Variants in MAP1A observed in about 807,000 individuals in gnomAD.
The protein encoded by MAP1A is microtubule associated protein 1A.
Under a neutral mutation model 185.9 loss-of-function variants are expected in MAP1A, and 42 were observed. The observed-to-expected ratio is 0.23, with a 90% CI of 0.18 to 0.29. The LOEUF is 0.29. Among genes scored for constraint, MAP1A ranks in the 10% least tolerant of loss-of-function variants. The pLI is 1.00. For missense variants in MAP1A, 2,995 were observed against 3,450.4 expected (o/e 0.87, Z 3.31); for synonymous variants, 1,229 against 1,335.9 (o/e 0.92, Z 1.74).
chr15:43,526,445 G>C lies in MAP1A; in HGVS notation c.4972G>C (p.Glu1658Gln), dbSNP rs1595649823. The part of the protein sequence containing the change: ...QEWQETSPTR[E>Q]EPAGEQKELA... ...GTGGCAAGAAACATCTCCTACCAGAGAGGAGCCGGCTGGAGAACAGAAAGA... is the reference window on the plus strand; with the variant it reads ...GTGGCAAGAAACATCTCCTACCAGACAGGAGCCGGCTGGAGAACAGAAAGA... The change falls in exon 4 of 6, where the codon GAG (glutamate) becomes CAG (glutamine). Residue 1658 changes from glutamate to glutamine, a missense_variant. Glu to Gln is a conservative substitution (Grantham distance 29, BLOSUM62 2). Transcript: ENST00000300231. The surrounding 1 kb of genome is among the most constrained non-coding windows in gnomAD (Gnocchi z 4.7). The C allele has an allele frequency of 6.2e-7, 1 of 1,614,182 alleles. No individual in the cohort carries two copies. The highest frequency in any genetic ancestry group is 8.5e-7 in the Non-Finnish European group (1 of 1,180,022).
Position 43,524,919 on chromosome 15 carries a change from A to T in MAP1A, c.3446A>T (p.Asp1149Val), listed in dbSNP as rs1335382413. 1.2e-6 allele frequency: 2 copies of T among 1,614,164 alleles called. No homozygotes were observed. Among genetic ancestry groups the T allele is most frequent in the Non-Finnish European group, 1.7e-6 (2 of 1,180,036 alleles). Residue 1149 changes from aspartate (D) to valine (V), a missense_variant, in exon 4 of 6, where the codon GAT (aspartate) becomes GTT (valine). Physicochemically the swap from Asp to Val is radical, Grantham distance 152. Around this residue, in one of 3 missense-constraint regions of MAP1A, gnomAD observed 2,728 missense variants for 2,986.0 expected, o/e 0.91. Transcript: ENST00000300231. ...CCTGACCGAAGCCTCTCTCCTGAAGATGCAGAATCCCTCTCTGTCCTCAGC... is the reference window on the plus strand; with the variant it reads ...CCTGACCGAAGCCTCTCTCCTGAAGTTGCAGAATCCCTCTCTGTCCTCAGC... ...RYPDRSLSPE[D>V]AESLSVLSVP...
chr15:43,524,427 T>G lies in MAP1A; in HGVS notation c.2954T>G (p.Leu985Arg). ...CTTGGAGAAGCAGAGGAGCGGTGCCTTAGCCCAGATGACAGCACAGTGAAG... is the reference window on the plus strand; with the variant it reads ...CTTGGAGAAGCAGAGGAGCGGTGCCGTAGCCCAGATGACAGCACAGTGAAG... Reference protein sequence around the residue: ...PALGEAEERCLSPDDSTVKMA... With the variant: ...PALGEAEERCRSPDDSTVKMA... Residue 985 changes from leucine to arginine, a missense_variant, in exon 4 of 6, where the codon CTT becomes CGT. By Grantham distance (102) the Leu-to-Arg change is moderately radical (BLOSUM62 -2). Around this residue, in one of 3 missense-constraint regions of MAP1A, gnomAD observed 2,728 missense variants for 2,986.0 expected, o/e 0.91. Coordinates refer to ENST00000300231, the MANE Select transcript of MAP1A (RefSeq NM_002373.6). The G allele has an allele frequency of 1.9e-6, 3 of 1,614,148 alleles. No individual in the cohort carries two copies. The highest frequency in any genetic ancestry group is 2.5e-6 in the Non-Finnish European group (3 of 1,180,018).
At chr15:43,518,762 G>C (rs1712057829) in intron 1 of MAP1A, among the ~76,000 whole-genome samples, 1 of 137,440 alleles carries the variant, frequency 7.3e-6, no homozygotes, top group African/African-American at 3.0e-5. Context: ...TGCCTCACAA[G>C]ATGGTCCTCT....
In MAP1A at chr15:43,526,285, C is replaced by A; in HGVS notation, c.4812C>A (p.Val1604=). ...KMLEEKSPEK[V]KAMEEKLEAL... ...TAGAGGAAAAATCCCCAGAAAAGGT[C>A]AAGGCCATGGAAGAGAAGTTAGAAG... The change falls in exon 4 of 6, where the codon GTC becomes GTA. Residue 1604 remains valine, a synonymous_variant. Transcript: ENST00000300231. This position sits in a 1 kb window ranked among gnomAD's most constrained non-coding sequence, Gnocchi z 4.7. 6.2e-7 allele frequency: 1 copy of A among 1,614,134 alleles called. No individual in the cohort carries two copies. Among genetic ancestry groups the A allele is most frequent in the South Asian group, 1.1e-5 (1 of 91,056 alleles).
upstream of MAP1A, among the ~76,000 whole-genome samples, chr15:43,516,424 G>C (rs962044980): frequency 1.3e-5 from 2 of 152,164 alleles, no homozygotes; most frequent in African/African-American, 4.8e-5. Context: ...GCAGCCTGGG[G>C]CAAGGGTGGG....
chr15:43,515,413 T>C (rs2079293971), upstream of MAP1A, among the ~76,000 whole-genome samples: 1 of 152,196 alleles, frequency 6.6e-6, no homozygotes, highest in South Asian at 2.1e-4. Flanking sequence ...AGGACATGAA[T>C]AGGACTTCAA....
Position 43,526,873 on chromosome 15 carries a change from T to C in MAP1A, c.5400T>C (p.Ala1800=). Reference sequence around the variant, plus strand: ...CCTTTGAGATCATCTCCCCTCCAGCTTCCCCACCTGAGATGGTTGGACAAA... The same window carrying C: ...CCTTTGAGATCATCTCCCCTCCAGCCTCCCCACCTGAGATGGTTGGACAAA... ...RSPFEIISPP[A]SPPEMVGQRV... is the part of the protein sequence containing the mutation. The change falls in exon 4 of 6, where the codon GCT becomes GCC. Residue 1800 remains alanine (A), a synonymous_variant. Transcript: ENST00000300231. This position sits in a 1 kb window ranked among gnomAD's most constrained non-coding sequence, Gnocchi z 4.7. The C allele has an allele frequency of 1.9e-6, 3 of 1,614,102 alleles. No individual in the cohort carries two copies. The highest frequency in any genetic ancestry group is 2.5e-6 in the Non-Finnish European group (3 of 1,179,998).
Position 43,521,383 on chromosome 15 carries a change from C to T in MAP1A, c.-91C>T. 6.2e-7 allele frequency: 1 copy of T among 1,613,804 alleles called. No individual in the cohort carries two copies. The highest frequency in any genetic ancestry group is 8.5e-7 in the Non-Finnish European group (1 of 1,179,930). The stretch of plus-strand genomic sequence containing the variant: ...TACAGGCCTTCCTTACCGTGTCCTG[C>T]TTAGGGGAAGGTGATTGGAGCCACC... On this transcript the variant is annotated 5_prime_UTR_variant, in exon 4 of 6. Coordinates refer to ENST00000300231, the MANE Select transcript of MAP1A (RefSeq NM_002373.6). The surrounding 1 kb of genome is among the most constrained non-coding windows in gnomAD (Gnocchi z 4.6).
chr15:43,529,484 G>A lies in MAP1A; in HGVS notation c.8011G>A (p.Val2671Ile). ...DGHSPMSKGL[V>I]NGLKAGPMAL... is the part of the protein sequence containing the mutation. ...ACACAGCCCCATGTCCAAAGGCCTA[G>A]TCAATGGACTCAAGGCAGGACCAAG... Residue 2671 changes from valine to isoleucine, a missense_variant, in exon 4 of 6, where the codon GTC becomes ATC. By Grantham distance (29) the Val-to-Ile change is conservative (BLOSUM62 3). Coordinates refer to ENST00000300231, the MANE Select transcript of MAP1A (RefSeq NM_002373.6). The surrounding 1 kb of genome is among the most constrained non-coding windows in gnomAD (Gnocchi z 4.3). The A allele has an allele frequency of 6.2e-7, 1 of 1,609,896 alleles. No individual in the cohort carries two copies. The highest frequency in any genetic ancestry group is 8.5e-7 in the Non-Finnish European group (1 of 1,177,230).
At chr15:43,518,717 C>CCCCCA (rs1566976482) in intron 1 of MAP1A, among the ~76,000 whole-genome samples, 2 of 141,018 alleles carry the variant, frequency 1.4e-5, no homozygotes, top group East Asian at 4.2e-4. Flanking sequence ...CACCCCCCCC[C>CCCCCA]GCAACTCCAG....
rs756298884 is a variant in MAP1A, at chr15:43,525,882, C to T, written c.4409C>T (p.Ala1470Val). The T allele has an allele frequency of 1.9e-6, 3 of 1,612,856 alleles. No individual in the cohort carries two copies. Among genetic ancestry groups the T allele is most frequent in the African/African-American group, 2.7e-5 (2 of 74,806 alleles). Residue 1470 changes from alanine (A) to valine (V), a missense_variant, in exon 4 of 6, where the codon GCC becomes GTC. Transcript: ENST00000300231. ...KDTALEQKDK[A>V]LEPKDKDLEQ... ...ACAGCCCTGGAACAGAAGGACAAGG[C>T]CCTGGAACCAAAAGATAAAGACTTG... is the stretch of plus-strand genomic sequence containing the variant.
upstream of MAP1A, among the ~76,000 whole-genome samples, chr15:43,516,358 G>A (rs75052099): frequency 1.0e-2 from 1,516 of 152,200 alleles, 30 homozygotes; most frequent in African/African-American, 0.035. Context: ...GGGGGGATGG[G>A]GGATGCTGAG....
At position 43,530,105 on chromosome 15, in the gene MAP1A, C is replaced by T; in HGVS notation, c.8293C>T (p.Arg2765Cys). 6.2e-7 allele frequency: 1 copy of T among 1,614,154 alleles called. No individual in the cohort carries two copies. Among genetic ancestry groups the T allele is most frequent in the Non-Finnish European group, 8.5e-7 (1 of 1,180,018 alleles). Residue 2765 changes from arginine (R) to cysteine (C), a missense_variant, in exon 6 of 6, where the codon CGT (arginine) becomes TGT (cysteine). Arg to Cys is a radical substitution (Grantham distance 180). Transcript: ENST00000300231. ...CCCTACTCATGACACGGAGGTGACT[C>T]GTGAGTGGTACCAACAAACTCATGA... ...LIPTHDTEVT[R>C]EWYQQTHEQQ... is the part of the protein sequence containing the mutation.
intron 1 of MAP1A, among the ~76,000 whole-genome samples, chr15:43,518,293 T>C (rs2079305812): frequency 6.6e-6 from 1 of 152,016 alleles, no homozygotes. Context: ...TGCGGCTAGC[T>C]TTAGAATGGG....
At position 43,527,439 on chromosome 15, in the gene MAP1A, C is replaced by T. The variant is rs1389510623; in HGVS notation, c.5966C>T (p.Pro1989Leu). Residue 1989 changes from proline to leucine, a missense_variant, in exon 4 of 6, where the codon CCA becomes CTA. By Grantham distance (98) the Pro-to-Leu change is moderately conservative. Around this residue, in one of 3 missense-constraint regions of MAP1A, gnomAD observed 2,728 missense variants for 2,986.0 expected, o/e 0.91. Coordinates refer to ENST00000300231, the MANE Select transcript of MAP1A (RefSeq NM_002373.6). Reference sequence around the variant, plus strand: ...CCTGCATGCCCCACTAGAGAGCCTCCACTTGGAGCAGCTGGGGATTGGCCC... The same window carrying T: ...CCTGCATGCCCCACTAGAGAGCCTCTACTTGGAGCAGCTGGGGATTGGCCC... ...LGPACPTREP[P>L]LGAAGDWPPC... is the part of the protein sequence containing the mutation. 3 of 1,614,176 alleles carry T rather than the reference C, an allele frequency of 1.9e-6. No homozygotes were observed. The Admixed American group carries it at 5.0e-5, about 27-fold the overall frequency.
chr15:43,520,930 G>T, intron 2 of MAP1A, 42 bp from the exon 3 acceptor site: 1 of 1,532,068 alleles, frequency 6.5e-7, no homozygotes. Context: ...GCCTTTCCCT[G>T]GATTTCCTAT....
rs2079351995 is a variant in MAP1A at position 43,527,755 on chromosome 15, G to A, written c.6282G>A (p.Lys2094=). 6.2e-7 allele frequency: 1 copy of A among 1,613,400 alleles called. No individual in the cohort carries two copies. Among genetic ancestry groups the A allele is most frequent in the Non-Finnish European group, 8.5e-7 (1 of 1,179,864 alleles). Residue 2094 remains lysine (K), a synonymous_variant, in exon 4 of 6, where the codon AAG becomes AAA. Coordinates refer to ENST00000300231, the MANE Select transcript of MAP1A (RefSeq NM_002373.6). ...CAGATAGGAGGTCCCCATCCCCCAA[G>A]GAATCAGGCCGGAGTCACTGGGATG... ...CSPDRRSPSP[K]ESGRSHWDDS... is the part of the protein sequence containing the mutation.
Position 43,529,015 on chromosome 15 carries a change from T to C in MAP1A, c.7542T>C (p.Asp2514=). 6.2e-7 allele frequency: 1 copy of C among 1,613,796 alleles called. No homozygotes were observed. The highest frequency in any genetic ancestry group is 8.5e-7 in the Non-Finnish European group (1 of 1,180,006). The change falls in exon 4 of 6, where the codon GAT becomes GAC. Residue 2514 remains aspartate, a synonymous_variant. Transcript: ENST00000300231. This position sits in a 1 kb window ranked among gnomAD's most constrained non-coding sequence, Gnocchi z 4.3. ...CAGGCTCCTCACAGTCAGATTCTGA[T>C]GTCCCGCCAGAAACTGAGGAGTGTC... ...SDSGSSQSDS[D]VPPETEECPS... is the part of the protein sequence containing the mutation.
rs1173668295 is a variant in MAP1A at position 43,529,072 on chromosome 15, A to G, written c.7599A>G (p.Ser2533=). 4 of 1,613,814 alleles carry G rather than the reference A, an allele frequency of 2.5e-6. No individual in the cohort carries two copies. Among genetic ancestry groups the G allele is most frequent in the East Asian group, 2.2e-5 (1 of 44,884 alleles). Reference sequence around the variant, plus strand: ...TCACAGCTGAGGCAGCCCTCGACTCAGATGAAGATGGAGACTTCCTACCTG... The same window carrying G: ...TCACAGCTGAGGCAGCCCTCGACTCGGATGAAGATGGAGACTTCCTACCTG... ...PSITAEAALD[S]DEDGDFLPVD... Residue 2533 remains serine (S), a synonymous_variant, in exon 4 of 6, where the codon TCA becomes TCG. Transcript: ENST00000300231. This position sits in a 1 kb window ranked among gnomAD's most constrained non-coding sequence, Gnocchi z 4.3.
Sources: gnomAD v4.1 joint callset for allele counts (sites outside exome capture counted in the v4.1 genomes callset) on GRCh38, gnomAD v4.1.1 for gene constraint, gnomAD v4.1.1 regional missense constraint, Gnocchi (gnomAD v3.1) non-coding constraint, MANE v1.5 for transcripts, NCBI Gene and HGNC (gene_info 2026-07-23, HGNC 2026-07-21) for gene names.